The following PDE1C variants were observed in gnomAD, a reference collection of about 807,000 sequenced individuals.
PDE1C encodes the protein dual specificity calcium/calmodulin-dependent 3',5'-cyclic nucleotide phosphodiesterase 1C.
In PDE1C, 62 loss-of-function variants were observed where a neutral mutation model predicts 93.1. That is an observed-to-expected ratio of 0.67 (90% confidence interval 0.54 to 0.82). PDE1C has a LOEUF of 0.82. PDE1C is among the 40% of genes least tolerant of loss of function. The pLI, the probability that PDE1C is intolerant of heterozygous loss-of-function variation, is 0.00. For missense variants in PDE1C, 742 were observed against 884.6 expected, an observed-to-expected ratio of 0.84 and a Z score of 2.04; for synonymous variants, 325 against 310.1, an observed-to-expected ratio of 1.05 and a Z score of -0.50.
intron 2 of PDE1C, among the ~76,000 whole-genome samples, chr7:32,013,883 T>G (rs1787499173): frequency 6.6e-6 from 1 of 152,244 alleles, no homozygotes; most frequent in South Asian, 2.1e-4. Context: ...ACTTTACTTT[T>G]TACATGTGGG....
rs375934558 is a variant in PDE1C at position 32,025,672 on chromosome 7, C to G, written c.128+25882G>C. ...TGCCATGGTCAGGATTTTGCCACAG[C>G]AGGGAGAGGATGTTAAGATCAGTTA... On this transcript the variant is annotated intron_variant, in intron 2 of 17. Coordinates refer to ENST00000396191, the MANE Select transcript of PDE1C (RefSeq NM_001191057.4). Among the ~76,000 whole-genome samples, 7 of 152,232 alleles carry G rather than the reference C, an allele frequency of 4.6e-5. No individual in the cohort carries two copies. In the South Asian group the frequency reaches 1.0e-3, roughly 23 times the overall value.
At chr7:32,225,608 A>C (rs1191541041) in intron 1 of PDE1C, among the ~76,000 whole-genome samples, 1 of 152,158 alleles carries the variant, frequency 6.6e-6, no homozygotes, top group African/African-American at 2.4e-5. Flanking sequence ...GAGAATTCAA[A>C]AATATACTGC....
chr7:31,995,983 A>G (rs901197546), intron 2 of PDE1C, among the ~76,000 whole-genome samples: 1 of 151,412 alleles, frequency 6.6e-6, no homozygotes, highest in Non-Finnish European at 1.5e-5. Context: ...GGCAGCCTGC[A>G]TTACTCCGAG....
rs1384427531 is a variant in PDE1C, at chr7:32,160,866, G to T, written c.308+8919C>A. 3.9e-5 allele frequency among the ~76,000 whole-genome samples: 6 copies of T among 152,084 alleles called. No individual in the cohort carries two copies. The East Asian group carries it at 1.2e-3, about 29-fold the overall frequency. On this transcript the variant is annotated intron_variant, in intron 3 of 18. Transcript: ENST00000396193. ...GAGAGAAAGGGAGGGAGGGAGGGAA[G>T]AAGGAATATGATGGGAGAAAGCCCC...
intron 2 of PDE1C, among the ~76,000 whole-genome samples, chr7:31,974,071 G>C (rs768775240): frequency 1.3e-5 from 2 of 152,068 alleles, no homozygotes; most frequent in South Asian, 4.1e-4. Context: ...AGTTGTACTT[G>C]GTGTGGGCAA....
chr7:32,126,589 C>A (rs1452401922), intron 3 of PDE1C, among the ~76,000 whole-genome samples: 2 of 152,046 alleles, frequency 1.3e-5, no homozygotes, highest in Non-Finnish European at 2.9e-5. Context: ...ATTTGCATAA[C>A]TCAGAAAAGG....
rs187930694 is a variant in PDE1C at position 31,961,252 on chromosome 7, A to G, written c.129-80392T>C. ...TACATGTATATGTATATGTATATAT[A>G]TATATATATACACACACACAGGCTA... On this transcript the variant is annotated intron_variant, in intron 2 of 17. Transcript: ENST00000396191. Among the ~76,000 whole-genome samples, 916 of 151,464 alleles carry G rather than the reference A, an allele frequency of 6.0e-3. 3 individuals carry two copies. The highest frequency in any genetic ancestry group is 0.038 in the Middle Eastern group (11 of 288).
At chr7:32,225,106 T>C (rs1807161172) in intron 1 of PDE1C, among the ~76,000 whole-genome samples, 1 of 151,974 alleles carries the variant, frequency 6.6e-6, no homozygotes, top group Admixed American at 6.6e-5. Context: ...AAACCTATCG[T>C]TGTCAGTTTT....
intron 2 of PDE1C, among the ~76,000 whole-genome samples, chr7:31,979,626 G>A (rs1812122562): frequency 6.6e-6 from 1 of 152,162 alleles, no homozygotes; most frequent in Admixed American, 6.5e-5. Context: ...GCCCACATAT[G>A]TAAGCACTAT....
At chr7:32,149,360 A>C (rs1008659264) in intron 3 of PDE1C, among the ~76,000 whole-genome samples, 12 of 152,224 alleles carry the variant, frequency 7.9e-5, no homozygotes, top group African/African-American at 1.2e-4. Flanking sequence ...AAGAAGGACA[A>C]CAGAGAAATT....
chr7:32,036,481 C>T (rs953795513), intron 2 of PDE1C, among the ~76,000 whole-genome samples: 2 of 151,996 alleles, frequency 1.3e-5, no homozygotes, highest in Non-Finnish European at 2.9e-5. Context: ...AAACAAAAAG[C>T]AGAGCACAAT....
chr7:32,155,545 T>C (rs898281752), intron 3 of PDE1C, among the ~76,000 whole-genome samples: 1 of 152,212 alleles, frequency 6.6e-6, no homozygotes, highest in Admixed American at 6.5e-5. Context: ...CCAGTGAACG[T>C]GGCTGATTAA....
chr7:31,628,066 G>T, the PDE1C span, among the ~76,000 whole-genome samples: 5 of 152,202 alleles, frequency 3.3e-5, no homozygotes, highest in South Asian at 8.3e-4. Flanking sequence ...AAAGCAGAGG[G>T]AGCCGACTAC....
At chr7:31,926,128 T>G (rs911879239) in intron 2 of PDE1C, among the ~76,000 whole-genome samples, 4 of 152,082 alleles carry the variant, frequency 2.6e-5, no homozygotes, top group African/African-American at 9.7e-5. Context: ...CCTACACACG[T>G]CTGTACATAC....
intron 1 of PDE1C, among the ~76,000 whole-genome samples, chr7:32,421,082 AACTAAC>A (rs1452578675): frequency 1.8e-5 from 1 of 56,832 alleles, no homozygotes; most frequent in Admixed American, 2.5e-4. Flanking sequence ...GGCGGATTAA[AACTAAC>A]ACACACACAC....
chr7:32,205,602 A>C (rs116195397), intron 2 of PDE1C, among the ~76,000 whole-genome samples: 718 of 68,572 alleles, frequency 0.01, 6 homozygotes, highest in African/African-American at 0.024. Context: ...AAGCAGGCCA[A>C]CCCCCCAGCC....
At chr7:31,681,597 T>G in the PDE1C span, among the ~76,000 whole-genome samples, 1 of 152,212 alleles carries the variant, frequency 6.6e-6, no homozygotes, top group Non-Finnish European at 1.5e-5. Flanking sequence ...CTTGTGATTT[T>G]TCTGCGTCTG....
At chr7:31,927,991 C>T (rs1432458457) in intron 2 of PDE1C, among the ~76,000 whole-genome samples, 1 of 152,152 alleles carries the variant, frequency 6.6e-6, no homozygotes, top group Non-Finnish European at 1.5e-5. Flanking sequence ...ACAAGCTCCA[C>T]TGAGCTAAAG....
rs143632901 is a variant in PDE1C at position 31,755,461 on chromosome 7, C to T, written c.1961-1908G>A. On this transcript the variant is annotated intron_variant, in intron 17 of 17. Coordinates refer to ENST00000396191, the MANE Select transcript of PDE1C (RefSeq NM_001191057.4). ...TGATCTTGGTTTCTAAAACCATTTG[C>T]TAATAGCAGAAACCAGGGCTCCTTG... Among the ~76,000 whole-genome samples the T allele has an allele frequency of 2.3e-3, 353 of 152,138 alleles. 2 individuals carry two copies. The highest frequency in any genetic ancestry group is 8.1e-3 in the African/African-American group (336 of 41,494).
Sources: allele counts gnomAD v4.1 joint callset (sites outside exome capture counted in the v4.1 genomes callset), GRCh38; gene constraint gnomAD v4.1.1; transcripts MANE v1.5; gene names NCBI Gene and HGNC (gene_info 2026-07-23, HGNC 2026-07-21).